Variants in HERC5 observed in about 807,000 individuals in gnomAD.
HERC5 encodes E3 ISG15--protein ligase HERC5.
A neutral mutation model predicts 119.6 loss-of-function variants in HERC5; 99 were observed. The ratio of observed to expected loss-of-function variants is 0.83; its 90% CI spans 0.70 to 0.98. HERC5 has a LOEUF of 0.98. Among genes scored for constraint, HERC5 ranks in the 50% least tolerant of loss-of-function variants. HERC5 has a pLI of 0.00. For missense variants in HERC5, 1,267 were observed against 1,241.3 expected, an observed-to-expected ratio of 1.02 and a Z score of -0.31; for synonymous variants, 478 against 445.9, an observed-to-expected ratio of 1.07 and a Z score of -0.91.
chr4:88,500,780 C>A, intron 19 of HERC5, 135 bp from the exon 20 acceptor site: 1 of 683,270 alleles, frequency 1.5e-6, no homozygotes, highest in South Asian at 2.1e-5. Context: ...TTTGTACATT[C>A]CTTGCTAGCT....
At chr4:88,463,767 C>A (rs1368304118) in intron 5 of HERC5, 88 bp from the exon 6 acceptor site, 1 of 1,469,368 alleles carries the variant, frequency 6.8e-7, no homozygotes, top group Non-Finnish European at 9.4e-7. Flanking sequence ...TTTGACAGTG[C>A]TATTTATTAG....
chr4:88,482,996 A>G (rs534525171), intron 13 of HERC5, among the ~76,000 whole-genome samples: 17 of 152,030 alleles, frequency 1.1e-4, no homozygotes, highest in Non-Finnish European at 2.1e-4. Flanking sequence ...ATTTACTTAT[A>G]GATTCTTTTG....
chr4:88,475,053 G>A (rs1263308792), intron 11 of HERC5, among the ~76,000 whole-genome samples: 1 of 151,114 alleles, frequency 6.6e-6, no homozygotes, highest in Admixed American at 6.6e-5. Context: ...GGTAGAGACA[G>A]TTGCTCTTAT....
intron 9 of HERC5, among the ~76,000 whole-genome samples, chr4:88,470,409 G>A (rs1740827808): frequency 6.6e-6 from 1 of 152,070 alleles, no homozygotes; most frequent in African/African-American, 2.4e-5. Flanking sequence ...TCCCATGTTT[G>A]CCACTGAAAT....
At chr4:88,464,464 AT>A (rs1319922655) in intron 6 of HERC5, among the ~76,000 whole-genome samples, 4 of 152,192 alleles carry the variant, frequency 2.6e-5, no homozygotes, top group Non-Finnish European at 5.9e-5. Context: ...TGAGTGAAAT[AT>A]TCCTAAGAAG....
At chr4:88,482,122 C>T (rs189287130) in intron 13 of HERC5, among the ~76,000 whole-genome samples, 1 of 151,934 alleles carries the variant, frequency 6.6e-6, no homozygotes, top group African/African-American at 2.4e-5. Context: ...CCAGCCTGAC[C>T]AACATAGTGA....
intron 18 of HERC5, among the ~76,000 whole-genome samples, chr4:88,496,459 G>A (rs539644036): frequency 2.4e-4 from 36 of 152,316 alleles, no homozygotes; most frequent in Non-Finnish European, 3.7e-4. Flanking sequence ...CAGGTTTTCC[G>A]ATAGAACAGA....
intron 20 of HERC5, among the ~76,000 whole-genome samples, chr4:88,502,094 G>A (rs990151952): frequency 2.6e-5 from 4 of 152,108 alleles, no homozygotes; most frequent in Admixed American, 6.5e-5. Flanking sequence ...CACTGCGCCC[G>A]GCCTATCTGT....
At chr4:88,500,888 A>G in intron 19 of HERC5, 27 bp from the exon 20 acceptor site, 1 of 1,536,232 alleles carries the variant, frequency 6.5e-7, no homozygotes, top group Non-Finnish European at 9.0e-7. Flanking sequence ...TGTTGGAGAT[A>G]TTATCTGAGT....
chr4:88,503,967 T>A (rs1169387360), intron 20 of HERC5, among the ~76,000 whole-genome samples: 3 of 151,606 alleles, frequency 2.0e-5, no homozygotes, highest in Non-Finnish European at 4.4e-5. Flanking sequence ...CTTGGGAGGC[T>A]AAGGCAGGAG....
intron 22 of HERC5, among the ~76,000 whole-genome samples, chr4:88,505,407 G>A (rs1261958292): frequency 6.6e-6 from 1 of 152,064 alleles, no homozygotes; most frequent in African/African-American, 2.4e-5. Context: ...CACCTCTTCG[G>A]GCTGTCTTAT....
chr4:88,485,464 C>T (rs1315202036), intron 13 of HERC5, among the ~76,000 whole-genome samples: 4 of 152,112 alleles, frequency 2.6e-5, no homozygotes, highest in Non-Finnish European at 4.4e-5. Context: ...GAGGCCTGGA[C>T]GAGAGTCAAT....
intron 10 of HERC5, 26 bp from the exon 11 acceptor site, chr4:88,472,383 A>C (rs1159932403): frequency 2.2e-6 from 3 of 1,344,942 alleles, no homozygotes; most frequent in Non-Finnish European, 3.2e-6. Context: ...ATCTAACAAA[A>C]TACTTAATTT....
chr4:88,472,574 A>G, intron 11 of HERC5, 72 bp downstream of exon 11: 1 of 911,116 alleles, frequency 1.1e-6, no homozygotes, highest in South Asian at 1.4e-5. Flanking sequence ...AAATTTCAGA[A>G]GAAATGTTTT....
intron 15 of HERC5, among the ~76,000 whole-genome samples, chr4:88,488,240 T>A (rs1336877405): frequency 6.6e-6 from 1 of 151,080 alleles, no homozygotes; most frequent in African/African-American, 2.4e-5. Flanking sequence ...TTTTCTTTTT[T>A]TTTTTTTTTG....
At chr4:88,481,049 C>T (rs1741260657) in intron 13 of HERC5, among the ~76,000 whole-genome samples, 1 of 152,074 alleles carries the variant, frequency 6.6e-6, no homozygotes, top group Non-Finnish European at 1.5e-5. Flanking sequence ...AACTTCTTTT[C>T]TCCCATAAAG....
intron 11 of HERC5, among the ~76,000 whole-genome samples, chr4:88,474,437 G>A (rs538244065): frequency 3.9e-5 from 6 of 152,308 alleles, no homozygotes; most frequent in African/African-American, 1.4e-4. Flanking sequence ...AATTCTAAGG[G>A]TTTGGAATAG....
intron 18 of HERC5, among the ~76,000 whole-genome samples, chr4:88,496,806 A>G (rs1467070790): frequency 1.3e-5 from 2 of 152,226 alleles, no homozygotes; most frequent in Non-Finnish European, 2.9e-5. Context: ...TTCTTTCTTC[A>G]TCAAGAGGGT....
Position 88,467,111 on chromosome 4 carries a change from T to C in HERC5, c.964T>C (p.Ser322Pro). 1 of 1,614,148 alleles carries C rather than the reference T, an allele frequency of 6.2e-7. No individual in the cohort carries two copies. Among genetic ancestry groups the C allele is most frequent in the Non-Finnish European group, 8.5e-7 (1 of 1,179,974 alleles). The change falls in exon 7 of 23, where the codon TCT becomes CCT. Residue 322 changes from serine to proline, a missense_variant. Coordinates refer to ENST00000264350, the MANE Select transcript of HERC5 (RefSeq NM_016323.4). ...TTTGGGAAAGGTCTTTTCCTTTGGT[T>C]CTGGAAAAGATGGACAACTGGGAAA... ...SDLGKVFSFG[S>P]GKDGQLGNGG...
Sources: gnomAD v4.1 joint callset for allele counts (sites outside exome capture counted in the v4.1 genomes callset) on GRCh38, gnomAD v4.1.1 for gene constraint, MANE v1.5 for transcripts, NCBI Gene and HGNC (gene_info 2026-07-23, HGNC 2026-07-21) for gene names.